NRCAM: variants seen among roughly 807,000 people sequenced by gnomAD.
NRCAM encodes the protein neuronal cell adhesion molecule.
Under a neutral mutation model 156.5 loss-of-function variants are expected in NRCAM, and 83 were observed. The observed-to-expected ratio is 0.53, with a 90% CI of 0.44 to 0.64. NRCAM has a LOEUF of 0.64. NRCAM is among the 30% of genes least tolerant of loss of function. The pLI is 0.00. For synonymous variants in NRCAM, 538 were observed against 563.9 expected, an observed-to-expected ratio of 0.95 and a Z score of 0.65; for missense variants, 1,417 against 1,597.3, an observed-to-expected ratio of 0.89 and a Z score of 1.92.
intron 2 of NRCAM, among the ~76,000 whole-genome samples, chr7:108,350,620 T>G (rs1039984312): frequency 3.3e-5 from 5 of 152,076 alleles, no homozygotes; most frequent in African/African-American, 1.2e-4. Flanking sequence ...CTGACTGTCT[T>G]TCTTTATTTT....
intron 12 of NRCAM, among the ~76,000 whole-genome samples, chr7:108,208,139 CA>C (rs10616664): frequency 0.1 from 14,607 of 140,302 alleles, 846 homozygotes; most frequent in South Asian, 0.18. Flanking sequence ...ATTAAAAATA[CA>C]AAAAAAAAAA....
chr7:108,173,686 C>T (rs1316950220), intron 28 of NRCAM, among the ~76,000 whole-genome samples: 4 of 152,066 alleles, frequency 2.6e-5, no homozygotes, highest in African/African-American at 7.2e-5. Context: ...TATTTAAACG[C>T]TATTCTTTTC....
chr7:108,197,902 A>G, intron 14 of NRCAM, 54 bp downstream of exon 14: 1 of 1,403,986 alleles, frequency 7.1e-7, no homozygotes, highest in Non-Finnish European at 9.6e-7. Flanking sequence ...TGAACAGAAA[A>G]TAACAGCAGT....
chr7:108,239,307 T>C (rs968187813), intron 4 of NRCAM, among the ~76,000 whole-genome samples: 1 of 152,220 alleles, frequency 6.6e-6, no homozygotes, highest in Middle Eastern at 3.2e-3. Context: ...CTTGTATTTT[T>C]AGCAGTTGCA....
At chr7:108,402,611 A>G (rs2099795994) in intron 1 of NRCAM, among the ~76,000 whole-genome samples, 1 of 152,182 alleles carries the variant, frequency 6.6e-6, no homozygotes. Flanking sequence ...AGGAAATTCT[A>G]TATGAAGCTG....
intron 2 of NRCAM, among the ~76,000 whole-genome samples, chr7:108,353,967 G>A (rs901101891): frequency 8.5e-5 from 13 of 152,328 alleles, no homozygotes; most frequent in East Asian, 7.7e-4. Flanking sequence ...TGGATTGGTC[G>A]TTTAATGTTT....
chr7:108,454,105 G>T (rs187878194), intron 1 of NRCAM, among the ~76,000 whole-genome samples: 2 of 152,206 alleles, frequency 1.3e-5, no homozygotes. Context: ...ACTGTAATGG[G>T]TTGGATTGTG....
intron 2 of NRCAM, among the ~76,000 whole-genome samples, chr7:108,340,602 C>A (rs1210933777): frequency 6.6e-6 from 1 of 152,194 alleles, no homozygotes; most frequent in Non-Finnish European, 1.5e-5. Context: ...TACACCCTCA[C>A]TGGGACACAG....
chr7:108,220,397 C>T (rs2091791506), intron 11 of NRCAM, among the ~76,000 whole-genome samples: 1 of 152,152 alleles, frequency 6.6e-6, no homozygotes, highest in African/African-American at 2.4e-5. Context: ...CAAAGCAAGA[C>T]TAAGCAAAAA....
intron 2 of NRCAM, among the ~76,000 whole-genome samples, chr7:108,348,682 G>A (rs2099387859): frequency 6.6e-6 from 1 of 152,152 alleles, no homozygotes; most frequent in African/African-American, 2.4e-5. Flanking sequence ...GGGAGGCCGA[G>A]GCAAGTGGAT....
chr7:108,333,831 A>C (rs932671161), intron 2 of NRCAM, among the ~76,000 whole-genome samples: 3 of 152,174 alleles, frequency 2.0e-5, no homozygotes, highest in African/African-American at 7.2e-5. Flanking sequence ...TCATCCTACT[A>C]GTCACTCATC....
intron 2 of NRCAM, among the ~76,000 whole-genome samples, chr7:108,323,163 G>A (rs1434464860): frequency 1.3e-5 from 2 of 152,200 alleles, no homozygotes; most frequent in African/African-American, 4.8e-5. Flanking sequence ...AGCGCCCTCT[G>A]ACCTTGGATC....
chr7:108,254,834 G>A (rs540210338), intron 3 of NRCAM, among the ~76,000 whole-genome samples: 1 of 152,222 alleles, frequency 6.6e-6, no homozygotes, highest in East Asian at 1.9e-4. Context: ...AAAGGCATGA[G>A]CCACCATGCC....
chr7:108,173,951 C>T (rs1003502169), intron 28 of NRCAM, among the ~76,000 whole-genome samples: 2 of 152,184 alleles, frequency 1.3e-5, no homozygotes, highest in Non-Finnish European at 2.9e-5. Context: ...ACAGACAGTC[C>T]TGCTGAAGCA....
intron 30 of NRCAM, among the ~76,000 whole-genome samples, chr7:108,166,234 ACTTT>A (rs774167925): frequency 9.5e-5 from 14 of 147,184 alleles, no homozygotes; most frequent in Non-Finnish European, 1.3e-4. Flanking sequence ...AAGAATTGTG[ACTTT>A]CTTTCTTTTC....
At chr7:108,299,357 G>A (rs1325545430) in intron 3 of NRCAM, among the ~76,000 whole-genome samples, 1 of 151,844 alleles carries the variant, frequency 6.6e-6, no homozygotes, top group Non-Finnish European at 1.5e-5. Context: ...TGAGGAAAAG[G>A]TATAAAAAGT....
At chr7:108,226,461 A>G in intron 8 of NRCAM, 83 bp from the exon 9 acceptor site, 2 of 909,950 alleles carry the variant, frequency 2.2e-6, no homozygotes, top group Non-Finnish European at 1.7e-6. Context: ...GTACCTACTA[A>G]TAGGTCTGTG....
In NRCAM at chr7:108,284,638, C is replaced by A. The variant is rs148262292; in HGVS notation, c.-107+28027G>T. 4.6e-5 allele frequency among the ~76,000 whole-genome samples: 7 copies of A among 152,292 alleles called. No individual in the cohort carries two copies. In the East Asian group the frequency reaches 1.4e-3, roughly 29 times the overall value. ...TAAGTCTCCATCCTCTCCCTGGAAG[C>A]TTTTTGAGACTCCCTGTTCTGAGAC... On this transcript the variant is annotated intron_variant, in intron 3 of 32. Coordinates refer to ENST00000379028, the MANE Select transcript of NRCAM (RefSeq NM_001037132.4).
At chr7:108,373,132 G>A (rs941195426) in intron 2 of NRCAM, among the ~76,000 whole-genome samples, 1 of 152,134 alleles carries the variant, frequency 6.6e-6, no homozygotes, top group African/African-American at 2.4e-5. Flanking sequence ...CTTATAGGAG[G>A]TATCTAAAAT....
Sources: allele counts gnomAD v4.1 joint callset (sites outside exome capture counted in the v4.1 genomes callset), GRCh38; gene constraint gnomAD v4.1.1; transcripts MANE v1.5; gene names NCBI Gene and HGNC (gene_info 2026-07-23, HGNC 2026-07-21).